RAB8B: variants seen among roughly 807,000 people sequenced by gnomAD.
RAB8B encodes the protein ras-related protein Rab-8B.
In RAB8B, 11 loss-of-function variants were observed where a neutral mutation model predicts 32.0. The ratio of observed to expected loss-of-function variants is 0.34; its 90% CI spans 0.22 to 0.57. The LOEUF (loss-of-function observed/expected upper bound fraction) is 0.57, where lower values mean the gene tolerates loss of function less well. Among genes scored for constraint, RAB8B ranks in the 20% least tolerant of loss-of-function variants. The probability of loss-of-function intolerance (pLI) is 0.86; values close to 1 mark genes in which losing one functional copy is unlikely to be tolerated. For missense variants in RAB8B, 190 were observed against 258.5 expected (o/e 0.73, Z 1.82); for synonymous variants, 103 against 89.6 (o/e 1.15, Z -0.85).
Position 63,259,739 on chromosome 15 carries a change from T to C in RAB8B, c.480+47T>C. 1 of 1,519,476 alleles carries C rather than the reference T, an allele frequency of 6.6e-7. No individual in the cohort carries two copies. The highest frequency in any genetic ancestry group is 9.1e-7 in the Non-Finnish European group (1 of 1,095,880). 94.1% of individuals were successfully genotyped at this position (1,519,476 alleles called of 1,614,324 possible). Reference sequence around the variant, plus strand: ...ACTGTTACGGAGCAGCACCAGTGCTTAGGGGCCTGTGTTCAAACAGCTCTC... The same window carrying C: ...ACTGTTACGGAGCAGCACCAGTGCTCAGGGGCCTGTGTTCAAACAGCTCTC... On this transcript the variant is annotated intron_variant, in intron 6 of 7. Coordinates refer to ENST00000321437, the MANE Select transcript of RAB8B (RefSeq NM_016530.3). The surrounding 1 kb of genome is among the most constrained non-coding windows in gnomAD (Gnocchi z 4.4).
rs2038089495 is a variant in RAB8B, at chr15:63,248,504, T to A, written c.186-1141T>A. ...CCCAGCCTGGGTGACAGAGCGAGAC[T>A]CCATCTCAAAAACAAACAAACAAAT... On this transcript the variant is annotated intron_variant, in intron 2 of 7. Coordinates refer to ENST00000321437, the MANE Select transcript of RAB8B (RefSeq NM_016530.3). This position sits in a 1 kb window ranked among gnomAD's most constrained non-coding sequence, Gnocchi z 4.4. Among the ~76,000 whole-genome samples, 1 of 152,034 alleles carries A rather than the reference T, an allele frequency of 6.6e-6. No individual in the cohort carries two copies. Among genetic ancestry groups the A allele is most frequent in the African/African-American group, 2.4e-5 (1 of 41,374 alleles).
At chr15:63,262,265 G>A (rs573658159) in intron 6 of RAB8B, among the ~76,000 whole-genome samples, 50 of 152,158 alleles carry the variant, frequency 3.3e-4, no homozygotes, top group Non-Finnish European at 5.9e-4. Context: ...GAAGTTACTC[G>A]TGACTCAACA....
intron 1 of RAB8B, among the ~76,000 whole-genome samples, chr15:63,197,155 TA>T (rs541116716): frequency 5.4e-4 from 82 of 151,650 alleles, no homozygotes; most frequent in African/African-American, 1.8e-3. Flanking sequence ...AAATTCTATT[TA>T]AAAAAAATAT....
chr15:63,252,650 T>C (rs1936744530), intron 3 of RAB8B, among the ~76,000 whole-genome samples: 2 of 152,230 alleles, frequency 1.3e-5, no homozygotes, highest in African/African-American at 2.4e-5. Flanking sequence ...TCAGGAATTA[T>C]GCAGAATCCA....
Position 63,229,780 on chromosome 15 carries a change from CAAAAAAAAAA to C in RAB8B, c.125-14955_125-14946del, listed in dbSNP as rs56015501. On this transcript the variant is annotated intron_variant, in intron 1 of 7. Transcript: ENST00000321437. ...TAGGTGACAGAGCAAGACGCTGTTTCAAAAAAAAAAAAAAAAAAAAAAAAAAAAAAGAAGC... is the reference window on the plus strand; with the variant it reads ...TAGGTGACAGAGCAAGACGCTGTTTCAAAAAAAAAAAAAAAAAAAAGAAGC... 3.9e-4 allele frequency among the ~76,000 whole-genome samples: 14 copies of C among 35,986 alleles called. 3 individuals are homozygous for C. In the South Asian group the frequency reaches 8.0e-3, roughly 21 times the overall value. The allele number at this position is 35,986 out of a possible 152,430, so 23.6% of individuals were successfully genotyped here.
intron 1 of RAB8B, among the ~76,000 whole-genome samples, chr15:63,193,290 T>G (rs2037573572): frequency 6.6e-6 from 1 of 152,150 alleles, no homozygotes; most frequent in Non-Finnish European, 1.5e-5. Context: ...TCAGGTCCCT[T>G]CATTTCCTTT....
rs541377909 is a variant in RAB8B, at chr15:63,226,582, A to G, written c.125-18174A>G. On this transcript the variant is annotated intron_variant, in intron 1 of 7. Coordinates refer to ENST00000321437, the MANE Select transcript of RAB8B (RefSeq NM_016530.3). ...CCAAGATCTGCCGTCTATGGTTGTG[A>G]TCTGTTCCTAAAATGGCCAGCGTCA... Among the ~76,000 whole-genome samples, 54 of 152,252 alleles carry G rather than the reference A, an allele frequency of 3.5e-4. 1 individual carries two copies. In the East Asian group the frequency reaches 6.4e-3, roughly 18 times the overall value.
chr15:63,242,322 G>A (rs2038038959), intron 1 of RAB8B, among the ~76,000 whole-genome samples: 1 of 151,976 alleles, frequency 6.6e-6, no homozygotes, highest in Non-Finnish European at 1.5e-5. Flanking sequence ...CCTTTTGGGT[G>A]CTTTCAATGT....
At chr15:63,191,093 T>G (rs2037552545) in intron 1 of RAB8B, among the ~76,000 whole-genome samples, 1 of 152,236 alleles carries the variant, frequency 6.6e-6, no homozygotes, top group Non-Finnish European at 1.5e-5. Flanking sequence ...AGTTGCAGGT[T>G]AATTAAGTAC....
rs1173178145 is a variant in RAB8B, at chr15:63,264,815, A to G, written c.*1196A>G. 6.6e-6 allele frequency: 1 copy of G among 152,466 alleles called. No homozygotes were observed. Among genetic ancestry groups the G allele is most frequent in the Non-Finnish European group, 1.5e-5 (1 of 68,050 alleles). The allele number at this position is 152,466 out of a possible 1,614,324, so 9.4% of individuals were successfully genotyped here. A position where few individuals can be genotyped will look rare whatever the true frequency, so the allele number is the denominator to read the frequency against. ...TTGCCTTTTCATTAGAGAAAACAGG[A>G]CCAAGGTTTCAGTTTTCAAACAGCT... On this transcript the variant is annotated 3_prime_UTR_variant, in exon 8 of 8. Transcript: ENST00000321437.
intron 1 of RAB8B, among the ~76,000 whole-genome samples, chr15:63,224,734 G>A (rs376069828): frequency 5.9e-5 from 9 of 152,240 alleles, no homozygotes; most frequent in African/African-American, 1.9e-4. Flanking sequence ...TTCCTTTTGT[G>A]ATCGCGACAT....
At chr15:63,197,698 C>T (rs8042686) in intron 1 of RAB8B, among the ~76,000 whole-genome samples, 4,951 of 152,072 alleles carry the variant, frequency 0.033, 252 homozygotes, top group African/African-American at 0.11. Flanking sequence ...AGACCCATTT[C>T]AATATGTTGG....
At chr15:63,243,837 C>G (rs1057250969) in intron 1 of RAB8B, among the ~76,000 whole-genome samples, 4 of 152,108 alleles carry the variant, frequency 2.6e-5, no homozygotes, top group African/African-American at 4.8e-5. Flanking sequence ...GTTCTGGAGG[C>G]TGGGAACTCC....
chr15:63,191,627 A>G (rs549874671), intron 1 of RAB8B, among the ~76,000 whole-genome samples: 1 of 152,364 alleles, frequency 6.6e-6, no homozygotes, highest in South Asian at 2.1e-4. Context: ...TTCATTGTTG[A>G]ATGCATACTG....
intron 1 of RAB8B, among the ~76,000 whole-genome samples, chr15:63,205,456 C>A (rs2037690383): frequency 6.6e-6 from 1 of 152,072 alleles, no homozygotes; most frequent in South Asian, 2.1e-4. Context: ...TATGATGGCA[C>A]CATTGTACTC....
intron 1 of RAB8B, among the ~76,000 whole-genome samples, chr15:63,229,071 T>C (rs1232844947): frequency 6.6e-6 from 1 of 152,208 alleles, no homozygotes; most frequent in Non-Finnish European, 1.5e-5. Context: ...AACATAAATA[T>C]TTTCGAGATC....
intron 1 of RAB8B, among the ~76,000 whole-genome samples, chr15:63,236,627 G>T (rs189436217): frequency 3.3e-5 from 5 of 151,914 alleles, no homozygotes; most frequent in African/African-American, 1.2e-4. Context: ...AAAAAATTGT[G>T]GGTACATAGT....
chr15:63,262,289 GATATT>G (rs1442354520), intron 6 of RAB8B, among the ~76,000 whole-genome samples: 2 of 152,008 alleles, frequency 1.3e-5, no homozygotes, highest in Non-Finnish European at 2.9e-5. Flanking sequence ...GTGTTATTGT[GATATT>G]ATATCACATG....
At chr15:63,225,344 G>A (rs1317358743) in intron 1 of RAB8B, among the ~76,000 whole-genome samples, 1 of 152,198 alleles carries the variant, frequency 6.6e-6, no homozygotes, top group Non-Finnish European at 1.5e-5. Context: ...GGAGTGCTAG[G>A]AGAGAATGCA....
Sources: allele counts gnomAD v4.1 joint callset (sites outside exome capture counted in the v4.1 genomes callset), GRCh38; gene constraint gnomAD v4.1.1; non-coding constraint Gnocchi (gnomAD v3.1); transcripts MANE v1.5; gene names NCBI Gene and HGNC (gene_info 2026-07-23, HGNC 2026-07-21).